The following MCM2 variants were observed in gnomAD, a reference collection of about 807,000 sequenced individuals.
MCM2 encodes minichromosome maintenance complex component 2, also known as DNA replication licensing factor MCM2.
Under a neutral mutation model 86.4 loss-of-function variants are expected in MCM2, and 49 were observed. The observed-to-expected ratio is 0.57, with a 90% CI of 0.45 to 0.72. The LOEUF (loss-of-function observed/expected upper bound fraction) is 0.72. Among genes scored for constraint, MCM2 ranks in the 30% least tolerant of loss-of-function variants. The pLI, the probability that MCM2 is intolerant of heterozygous loss-of-function variation, is 0.00. For synonymous variants in MCM2, 475 were observed against 484.6 expected (o/e 0.98, Z 0.26); for missense variants, 1,038 against 1,259.9 (o/e 0.82, Z 2.67).
chr3:127,618,519 C>T lies in MCM2; in HGVS notation c.2013+438C>T, dbSNP rs970998864. 6.6e-6 allele frequency among the ~76,000 whole-genome samples: 1 copy of T among 152,190 alleles called. No individual in the cohort carries two copies. Among genetic ancestry groups the T allele is most frequent in the Non-Finnish European group, 1.5e-5 (1 of 68,030 alleles). Reference sequence around the variant, plus strand: ...GGTCCTCCCCTCCGGCCCGCACCCGCCATCTCTGCAGCTACCTCCTCCTCG... The same window carrying T: ...GGTCCTCCCCTCCGGCCCGCACCCGTCATCTCTGCAGCTACCTCCTCCTCG... On this transcript the variant is annotated intron_variant, in intron 12 of 15. Coordinates refer to ENST00000265056, the MANE Select transcript of MCM2 (RefSeq NM_004526.4). This position sits in a 1 kb window ranked among gnomAD's most constrained non-coding sequence, Gnocchi z 4.0.
chr3:127,602,604 A>G (rs1266485439), intron 2 of MCM2, among the ~76,000 whole-genome samples: 3 of 152,198 alleles, frequency 2.0e-5, no homozygotes, highest in Non-Finnish European at 4.4e-5. Flanking sequence ...TCCTCAGGGA[A>G]GAGAGCACTG....
chr3:127,605,108 A>G lies in MCM2; in HGVS notation c.625A>G (p.Ser209Gly). The change falls in exon 4 of 16, where the codon AGC becomes GGC. Residue 209 changes from serine (S) to glycine (G), a missense_variant. Transcript: ENST00000265056. ...FKNFLRTHVD[S>G]HGHNVFKERI... The stretch of plus-strand genomic sequence containing the variant: ...GAACTTCCTGCGCACTCACGTCGAC[A>G]GCCACGGCCACAACGTCTTCAAGGA... 6.2e-7 allele frequency: 1 copy of G among 1,614,092 alleles called. No homozygotes were observed.
Position 127,608,960 on chromosome 3 carries a change from A to G in MCM2, c.1365A>G (p.Glu455=). ...AGGACAACAAGGTTGCTGTAGGGGA[A>G]CTGACCGATGAAGATGTGAAGATGA... ...AKKDNKVAVG[E]LTDEDVKMIT... is the part of the protein sequence containing the mutation. Residue 455 remains glutamate, a synonymous_variant, in exon 8 of 16, where the codon GAA becomes GAG. Coordinates refer to ENST00000265056, the MANE Select transcript of MCM2 (RefSeq NM_004526.4). The G allele has an allele frequency of 6.2e-7, 1 of 1,614,188 alleles. No individual in the cohort carries two copies. Among genetic ancestry groups the G allele is most frequent in the Non-Finnish European group, 8.5e-7 (1 of 1,180,034 alleles).
chr3:127,617,616 A>G lies in MCM2; in HGVS notation c.1900+211A>G, dbSNP rs2074443464. ...TTTCCTGTTGAGTCATGTTCCTGGAATCACCTTGGATGTTCTCAGAAGGCA... is the reference window on the plus strand; with the variant it reads ...TTTCCTGTTGAGTCATGTTCCTGGAGTCACCTTGGATGTTCTCAGAAGGCA... On this transcript the variant is annotated intron_variant, in intron 11 of 15. Transcript: ENST00000265056. This position sits in a 1 kb window ranked among gnomAD's most constrained non-coding sequence, Gnocchi z 4.1. The G allele has an allele frequency of 4.7e-6, 3 of 640,806 alleles. No homozygotes were observed. Among genetic ancestry groups the G allele is most frequent in the Admixed American group, 5.9e-5 (2 of 33,650 alleles). 39.7% of individuals were successfully genotyped at this position (640,806 alleles called of 1,614,324 possible).
At chr3:127,616,760 C>T in intron 9 of MCM2, 108 bp from the exon 10 acceptor site, 1 of 1,286,888 alleles carries the variant, frequency 7.8e-7, no homozygotes, top group South Asian at 1.4e-5. Flanking sequence ...GGGACTGTGC[C>T]TTACCATTCC....
intron 14 of MCM2, 29 bp from the exon 15 acceptor site, chr3:127,621,044 G>C (rs1235519891): frequency 6.2e-7 from 1 of 1,612,142 alleles, no homozygotes; most frequent in South Asian, 1.1e-5. Flanking sequence ...AGTGGGAGCG[G>C]GTGTTTGACT....
rs749963918 is a variant in MCM2 at position 127,606,752 on chromosome 3, G to C, written c.1036G>C (p.Glu346Gln). ...TCCTTTCTGCCAGTCCCAGAACCAG[G>C]AGGTGAAACCAGGCTCCTGTCCTGA... ...LGPFCQSQNQ[E>Q]VKPGSCPECQ... The change falls in exon 6 of 16, where the codon GAG becomes CAG. Residue 346 changes from glutamate to glutamine, a missense_variant. Physicochemically the swap from Glu to Gln is conservative, Grantham distance 29. Coordinates refer to ENST00000265056, the MANE Select transcript of MCM2 (RefSeq NM_004526.4). This position sits in a 1 kb window ranked among gnomAD's most constrained non-coding sequence, Gnocchi z 4.2. 4.3e-6 allele frequency: 7 copies of C among 1,614,238 alleles called. No homozygotes were observed. Among genetic ancestry groups the C allele is most frequent in the Non-Finnish European group, 5.1e-6 (6 of 1,180,048 alleles).
chr3:127,615,741 C>T, intron 8 of MCM2, 121 bp from the exon 9 acceptor site: 1 of 713,514 alleles, frequency 1.4e-6, no homozygotes, highest in Non-Finnish European at 2.5e-6. Flanking sequence ...GCAGTTGCAG[C>T]AGCTGTGGAA....
chr3:127,599,569 G>A (rs2107684372), intron 2 of MCM2, 22 bp downstream of exon 2: 1 of 1,594,386 alleles, frequency 6.3e-7, no homozygotes, highest in East Asian at 2.2e-5. Flanking sequence ...CAAGGCCCTG[G>A]ACTCAGCAGA....
intron 8 of MCM2, among the ~76,000 whole-genome samples, chr3:127,611,677 G>T (rs2074396488): frequency 1.5e-5 from 2 of 133,918 alleles, no homozygotes; most frequent in South Asian, 5.1e-4. Flanking sequence ...GGCTTCTGCA[G>T]CTGACTTTTT....
intron 2 of MCM2, chr3:127,604,315 T>C: frequency 2.8e-6 from 1 of 360,702 alleles, no homozygotes; most frequent in Non-Finnish European, 5.1e-6. Context: ...ATTTGTCCTT[T>C]TGTGCCTGGC....
At chr3:127,600,388 C>T (rs1335547864) in intron 2 of MCM2, among the ~76,000 whole-genome samples, 1 of 152,202 alleles carries the variant, frequency 6.6e-6, no homozygotes, top group Non-Finnish European at 1.5e-5. Context: ...TCTGCATTTC[C>T]AGCTGCGATC....
chr3:127,602,293 C>T (rs529784012), intron 2 of MCM2, among the ~76,000 whole-genome samples: 2 of 151,380 alleles, frequency 1.3e-5, no homozygotes, highest in South Asian at 4.2e-4. Flanking sequence ...ACCTGGTCAA[C>T]TCTGATATCT....
At chr3:127,602,298 A>G (rs1233018939) in intron 2 of MCM2, among the ~76,000 whole-genome samples, 1 of 151,792 alleles carries the variant, frequency 6.6e-6, no homozygotes, top group Non-Finnish European at 1.5e-5. Flanking sequence ...GTCAACTCTG[A>G]TATCTGCCTG....
At chr3:127,611,711 TTTTTTGAGAC>T (rs2074398251) in intron 8 of MCM2, among the ~76,000 whole-genome samples, 1 of 129,220 alleles carries the variant, frequency 7.7e-6, no homozygotes, top group Non-Finnish European at 1.6e-5. Context: ...TTTTTTTTTT[TTTTTTGAGAC>T]GGAGTCTCGC....
Position 127,606,935 on chromosome 3 carries a change from A to C in MCM2, c.1101+118A>C. On this transcript the variant is annotated intron_variant, in intron 6 of 15. Transcript: ENST00000265056. This position sits in a 1 kb window ranked among gnomAD's most constrained non-coding sequence, Gnocchi z 4.2. ...TGGGCAGCCGCAAGAAGCAAGATAG[A>C]ATTGTGTGTTGGCCACACCCTGGGG... 4.9e-6 allele frequency: 5 copies of C among 1,012,818 alleles called. No homozygotes were observed. The highest frequency in any genetic ancestry group is 7.5e-6 in the Non-Finnish European group (5 of 668,034). 62.7% of individuals were successfully genotyped at this position (1,012,818 alleles called of 1,614,324 possible). A position where few individuals can be genotyped will look rare whatever the true frequency, so the allele number is the denominator to read the frequency against.
At position 127,617,537 on chromosome 3, in the gene MCM2, C is replaced by T; in HGVS notation, c.1900+132C>T. ...TTGTGCAGCAGAGGGTTCCCCTCTT[C>T]TGCATATCCTGCCAGAGTGGGGAAC... On this transcript the variant is annotated intron_variant, in intron 11 of 15. Coordinates refer to ENST00000265056, the MANE Select transcript of MCM2 (RefSeq NM_004526.4). The surrounding 1 kb of genome is among the most constrained non-coding windows in gnomAD (Gnocchi z 4.1). The T allele has an allele frequency of 8.8e-7, 1 of 1,139,342 alleles. No homozygotes were observed. Among genetic ancestry groups the T allele is most frequent in the South Asian group, 1.6e-5 (1 of 62,048 alleles). The allele number at this position is 1,139,342 out of a possible 1,614,324, so 70.6% of individuals were successfully genotyped here. A position where few individuals can be genotyped will look rare whatever the true frequency, so the allele number is the denominator to read the frequency against.
At chr3:127,605,543 C>T (rs966444934) in intron 4 of MCM2, among the ~76,000 whole-genome samples, 2 of 148,622 alleles carry the variant, frequency 1.3e-5, no homozygotes, top group Non-Finnish European at 3.0e-5. Context: ...TGGGTTCAAG[C>T]GTTTCTCATG....
chr3:127,615,321 CTCTT>C (rs1453556663), intron 8 of MCM2, among the ~76,000 whole-genome samples: 1 of 152,362 alleles, frequency 6.6e-6, no homozygotes, highest in East Asian at 1.9e-4. Context: ...CTCTCCCTGT[CTCTT>C]TCTTTCTCTC....
Sources: gnomAD v4.1 joint callset for allele counts (sites outside exome capture counted in the v4.1 genomes callset) on GRCh38, gnomAD v4.1.1 for gene constraint, Gnocchi (gnomAD v3.1) non-coding constraint, MANE v1.5 for transcripts, NCBI Gene and HGNC (gene_info 2026-07-23, HGNC 2026-07-21) for gene names.